Variants in TGM1 observed in about 807,000 individuals in gnomAD.
TGM1 encodes protein-glutamine gamma-glutamyltransferase K.
Under a neutral mutation model 88.7 loss-of-function variants are expected in TGM1, and 63 were observed. That is an observed-to-expected ratio of 0.71 (90% CI 0.58 to 0.88). The LOEUF is 0.88. Ranked by LOEUF, TGM1 falls within the 40% of genes least tolerant of loss-of-function variation. The pLI is 0.00. For missense variants in TGM1, 996 were observed against 1,118.0 expected, an observed-to-expected ratio of 0.89 and a Z score of 1.56; for synonymous variants, 415 against 431.1, an observed-to-expected ratio of 0.96 and a Z score of 0.46.
At chr14:24,256,215 G>C (rs796663004) in intron 9 of TGM1, 138 bp from the exon 10 acceptor site, 4 of 744,608 alleles carry the variant, frequency 5.4e-6, no homozygotes, top group African/African-American at 5.2e-5. Context: ...CTGGAACAAG[G>C]TCATCAGCCC....
chr14:24,251,413 C>T (rs549955903), intron 14 of TGM1, among the ~76,000 whole-genome samples: 28 of 152,196 alleles, frequency 1.8e-4, no homozygotes, highest in South Asian at 6.2e-4. Flanking sequence ...ATTGCAGTAA[C>T]GGATTATTTT....
Position 24,249,309 on chromosome 14 carries a change from G to A in TGM1, c.*4C>T, listed in dbSNP as rs2229463. The A allele has an allele frequency of 0.82, 1,329,326 of 1,612,060 alleles. 552,499 individuals are homozygous for A. Among genetic ancestry groups the A allele is most frequent in the Middle Eastern group, 0.88 (5,338 of 6,060 alleles). On this transcript the variant is annotated 3_prime_UTR_variant, in exon 15 of 15. Coordinates refer to ENST00000206765, the MANE Select transcript of TGM1 (RefSeq NM_000359.3). ...ACTCCAGTCCCATTGCTCCTGGCAC[G>A]GGGCTAAGCTCCACCTCGAGATGCC...
rs2040742301 is a variant in TGM1 at position 24,255,433 on chromosome 14, G to A, written c.1576C>T (p.Leu526Phe). The A allele has an allele frequency of 6.2e-7, 1 of 1,614,074 alleles. No homozygotes were observed. Among genetic ancestry groups the A allele is most frequent in the Admixed American group, 1.7e-5 (1 of 60,012 alleles). Residue 526 changes from leucine (L) to phenylalanine (F), a missense_variant, in exon 11 of 15, where the codon CTC becomes TTC. Transcript: ENST00000206765. This position sits in a 1 kb window ranked among gnomAD's most constrained non-coding sequence, Gnocchi z 4.0. ...VYVEEKAIGT[L>F]IVTKAISSNM... Reference sequence around the variant, plus strand: ...GAGCTGATGGCCTTTGTGACAATGAGTGTGCCGATGGCCTTCTCCTCCACA... The same window carrying A: ...GAGCTGATGGCCTTTGTGACAATGAATGTGCCGATGGCCTTCTCCTCCACA...
chr14:24,259,601 G>T lies in TGM1; in HGVS notation c.984+103C>A. 1 of 981,550 alleles carries T rather than the reference G, an allele frequency of 1.0e-6. No individual in the cohort carries two copies. The highest frequency in any genetic ancestry group is 1.6e-6 in the Non-Finnish European group (1 of 635,596). 60.8% of individuals were successfully genotyped at this position (981,550 alleles called of 1,614,324 possible). On this transcript the variant is annotated intron_variant, in intron 6 of 14. Transcript: ENST00000206765. The surrounding 1 kb of genome is among the most constrained non-coding windows in gnomAD (Gnocchi z 5.7). Reference sequence around the variant, plus strand: ...TATCCTTTACGAGGGCAGGGACAGGGCTGGGGGTTCTTGAGGAATCCAGAA... The same window carrying T: ...TATCCTTTACGAGGGCAGGGACAGGTCTGGGGGTTCTTGAGGAATCCAGAA...
chr14:24,263,011 C>T (rs149621051), intron 1 of TGM1, 78 bp downstream of exon 1: 39 of 155,874 alleles, frequency 2.5e-4, no homozygotes, highest in Non-Finnish European at 4.3e-4. Context: ...CACACCCCAC[C>T]TTGCTGGATC....
intron 14 of TGM1, among the ~76,000 whole-genome samples, chr14:24,251,366 A>G (rs1422250818): frequency 6.6e-6 from 1 of 152,246 alleles, no homozygotes; most frequent in East Asian, 1.9e-4. Flanking sequence ...ACTCTATACC[A>G]TAATTGAACT....
chr14:24,260,513 C>T lies in TGM1; in HGVS notation c.694G>A (p.Glu232Lys). 6.2e-7 allele frequency: 1 copy of T among 1,614,240 alleles called. No homozygotes were observed. ...FTVRTQSDAG[E>K]FQLPFDPRNE... ...CGGGGGTCAAAGGGCAACTGGAACTCCCCAGCGTCTGATTGTGTGCGGACT... is the reference window on the plus strand; with the variant it reads ...CGGGGGTCAAAGGGCAACTGGAACTTCCCAGCGTCTGATTGTGTGCGGACT... Residue 232 changes from glutamate (E) to lysine (K), a missense_variant, in exon 4 of 15, where the codon GAG becomes AAG. By Grantham distance (56) the Glu-to-Lys change is moderately conservative. Coordinates refer to ENST00000206765, the MANE Select transcript of TGM1 (RefSeq NM_000359.3).
chr14:24,260,417 A>T, intron 4 of TGM1, 33 bp downstream of exon 4: 2 of 1,613,792 alleles, frequency 1.2e-6, no homozygotes, highest in South Asian at 1.1e-5. Flanking sequence ...TTTCCCTCCC[A>T]TCTACCCTCT....
chr14:24,249,168 C>T lies in TGM1; in HGVS notation c.*145G>A. 2.9e-6 allele frequency: 2 copies of T among 690,280 alleles called. No homozygotes were observed. The highest frequency in any genetic ancestry group is 5.2e-6 in the Non-Finnish European group (2 of 382,774). The allele number at this position is 690,280 out of a possible 1,614,324, so 42.8% of individuals were successfully genotyped here. On this transcript the variant is annotated 3_prime_UTR_variant, in exon 15 of 15. Transcript: ENST00000206765. ...TTCCCCCAGTGCAAGTGAAGACTGA[C>T]TCCCTCTCCGGGAGCCCTGGACTCC...
At chr14:24,251,452 G>A (rs1175658836) in intron 14 of TGM1, among the ~76,000 whole-genome samples, 1 of 152,186 alleles carries the variant, frequency 6.6e-6, no homozygotes, top group East Asian at 1.9e-4. Context: ...AGGTGGAAAT[G>A]TCAAGATCTC....
chr14:24,258,603 G>C lies in TGM1; in HGVS notation c.1230C>G (p.Ser410=). 1 of 1,614,228 alleles carries C rather than the reference G, an allele frequency of 6.2e-7. No homozygotes were observed. The highest frequency in any genetic ancestry group is 8.5e-7 in the Non-Finnish European group (1 of 1,180,044). Residue 410 remains serine (S), a synonymous_variant, in exon 8 of 15, where the codon TCC becomes TCG. Coordinates refer to ENST00000206765, the MANE Select transcript of TGM1 (RefSeq NM_000359.3). ...NFNSAHDTDT[S]LTMDIYFDEN... Reference sequence around the variant, plus strand: ...CGTCGAAGTAGATGTCCATGGTAAGGGATGTGTCTGTGTCGTGGGCGGAGT... The same window carrying C: ...CGTCGAAGTAGATGTCCATGGTAAGCGATGTGTCTGTGTCGTGGGCGGAGT...
At chr14:24,249,922 A>G (rs1292570152) in intron 14 of TGM1, among the ~76,000 whole-genome samples, 1 of 152,198 alleles carries the variant, frequency 6.6e-6, no homozygotes, top group Non-Finnish European at 1.5e-5. Flanking sequence ...GAAAACTTCA[A>G]AATGAGACTT....
chr14:24,260,327 C>T (rs1412713342), intron 4 of TGM1, 123 bp downstream of exon 4: 7 of 1,478,618 alleles, frequency 4.7e-6, no homozygotes, highest in Non-Finnish European at 6.4e-6. Context: ...CTCTCATCTG[C>T]CCAATGGGAG....
At chr14:24,249,587 A>G (rs2139013867) in intron 14 of TGM1, 46 bp from the exon 15 acceptor site, 2 of 1,547,716 alleles carry the variant, frequency 1.3e-6, no homozygotes, top group East Asian at 4.6e-5. Context: ...TTGGGGGTGG[A>G]GTGGGGAGTA....
chr14:24,258,746 G>T (rs953872263), intron 7 of TGM1, 73 bp from the exon 8 acceptor site: 1 of 1,593,310 alleles, frequency 6.3e-7, no homozygotes, highest in East Asian at 2.2e-5. Context: ...GGAGTATCAG[G>T]GGGAGAAGGG....
Position 24,255,209 on chromosome 14 carries a change from C to T in TGM1, c.1690G>A (p.Gly564Ser), listed in dbSNP as rs762797327. The change falls in exon 12 of 15, where the codon GGC becomes AGC. Residue 564 changes from glycine to serine, a missense_variant. By Grantham distance (56) the Gly-to-Ser change is moderately conservative (BLOSUM62 0). Coordinates refer to ENST00000206765, the MANE Select transcript of TGM1 (RefSeq NM_000359.3). The surrounding 1 kb of genome is among the most constrained non-coding windows in gnomAD (Gnocchi z 4.0). ...TTGGCATACACATTGGGTTTGCTGC[C>T]GTGGGCTGCTGCTGTCTCTACTGCC... is the stretch of plus-strand genomic sequence containing the variant. ...RKAVETAAAH[G>S]SKPNVYANRG... 9 of 1,613,886 alleles carry T rather than the reference C, an allele frequency of 5.6e-6. No individual in the cohort carries two copies. The highest frequency in any genetic ancestry group is 4.4e-5 in the South Asian group (4 of 91,072).
In TGM1 at chr14:24,260,567, TG is replaced by T. The variant is rs1566380025; in HGVS notation, c.639del (p.Asn214ThrfsTer116). ...AACTGAAACTTGCCGATGATGGCGT[TG>T]GGGGAAGTGTGGACCCGCAGGTTCA... ...QNLNLRVHTS[P>X]NAIIGKFQFT... On this transcript the variant is annotated frameshift_variant, in exon 4 of 15. Transcript: ENST00000206765. LOFTEE classifies it high-confidence loss of function. 1.2e-6 allele frequency: 2 copies of T among 1,614,224 alleles called. No homozygotes were observed. The highest frequency in any genetic ancestry group is 1.7e-6 in the Non-Finnish European group (2 of 1,180,038).
rs2040788727 is a variant in TGM1 at position 24,259,656 on chromosome 14, G to A, written c.984+48C>T. 1 of 1,495,752 alleles carries A rather than the reference G, an allele frequency of 6.7e-7. No individual in the cohort carries two copies. Among genetic ancestry groups the A allele is most frequent in the African/African-American group, 1.4e-5 (1 of 72,328 alleles). 92.7% of individuals were successfully genotyped at this position (1,495,752 alleles called of 1,614,324 possible). A position where few individuals can be genotyped will look rare whatever the true frequency, so the allele number is the denominator to read the frequency against. On this transcript the variant is annotated intron_variant, in intron 6 of 14. Transcript: ENST00000206765. The surrounding 1 kb of genome is among the most constrained non-coding windows in gnomAD (Gnocchi z 5.7). ...CAGGAGGAGGGTGGGGGTGTGGCGA[G>A]GCAGCAGGCACACACACAGTAGGAC...
At chr14:24,253,510 C>A (rs1212685359) in intron 14 of TGM1, among the ~76,000 whole-genome samples, 1 of 152,158 alleles carries the variant, frequency 6.6e-6, no homozygotes, top group South Asian at 2.1e-4. Context: ...CGGGGTCTCA[C>A]TCTGTCGCCC....
Sources: allele counts gnomAD v4.1 joint callset (sites outside exome capture counted in the v4.1 genomes callset), GRCh38; gene constraint gnomAD v4.1.1; non-coding constraint Gnocchi (gnomAD v3.1); transcripts MANE v1.5; gene names NCBI Gene and HGNC (gene_info 2026-07-23, HGNC 2026-07-21).